DPP6: variants seen among roughly 807,000 people sequenced by gnomAD.
The protein encoded by DPP6 is dipeptidyl peptidase like 6.
A neutral mutation model predicts 122.6 loss-of-function variants in DPP6; 69 were observed. The observed-to-expected ratio is 0.56, with a 90% confidence interval of 0.46 to 0.69. The LOEUF is 0.69. DPP6 is among the 30% of genes least tolerant of loss of function. The probability of loss-of-function intolerance (pLI) is 0.00; values close to 1 mark genes in which losing one functional copy is unlikely to be tolerated. For synonymous variants in DPP6, 418 were observed against 433.1 expected (o/e 0.97, Z 0.43); for missense variants, 928 against 1,116.9 (o/e 0.83, Z 2.41).
intron 1 of DPP6, among the ~76,000 whole-genome samples, chr7:153,984,540 C>T (rs1234129006): frequency 6.6e-6 from 1 of 152,138 alleles, no homozygotes; most frequent in Non-Finnish European, 1.5e-5. Context: ...GGTGCAACTT[C>T]AGGGGGAATT....
intron 2 of DPP6, among the ~76,000 whole-genome samples, chr7:154,463,502 C>T (rs1052778939): frequency 4.6e-5 from 7 of 152,108 alleles, no homozygotes; most frequent in African/African-American, 9.7e-5. Context: ...CCACCGCGCC[C>T]AGCCTACTTC....
At chr7:154,040,174 G>A (rs1489815223) in intron 1 of DPP6, among the ~76,000 whole-genome samples, 2 of 140,456 alleles carry the variant, frequency 1.4e-5, no homozygotes, top group East Asian at 2.0e-4. Flanking sequence ...AACTGTAAGT[G>A]GAGAGGATCT....
chr7:154,844,585 C>A lies in DPP6; in HGVS notation c.1667-9195C>A, dbSNP rs144256757. 2.5e-3 allele frequency among the ~76,000 whole-genome samples: 383 copies of A among 152,236 alleles called. 3 individuals carry two copies. Among genetic ancestry groups the A allele is most frequent in the African/African-American group, 8.9e-3 (371 of 41,528 alleles). On this transcript the variant is annotated intron_variant, in intron 16 of 25. Transcript: ENST00000377770. The stretch of plus-strand genomic sequence containing the variant: ...GAATTATTTGCCAGTTTTCAGGGGC[C>A]ATCACAGAAACCTTGAGGCCTGTGG...
intron 1 of DPP6, among the ~76,000 whole-genome samples, chr7:154,008,828 A>AT (rs1298676342): frequency 0.01 from 1,485 of 147,212 alleles, 20 homozygotes; most frequent in African/African-American, 0.034. Context: ...CGCCCGGCTA[A>AT]TTTTTTTTTT....
intron 1 of DPP6, among the ~76,000 whole-genome samples, chr7:154,016,968 G>A (rs1032779334): frequency 4.6e-5 from 7 of 152,220 alleles, no homozygotes; most frequent in Admixed American, 1.3e-4. Context: ...GAGCATCAGA[G>A]GAGAAAAGGA....
chr7:154,029,738 C>T lies in DPP6; in HGVS notation c.51+142004C>T, dbSNP rs1453735847. 3.1e-3 allele frequency among the ~76,000 whole-genome samples: 374 copies of T among 120,876 alleles called. No homozygotes were observed. The Middle Eastern group carries it at 0.045, about 14-fold the overall frequency. 79.3% of individuals were successfully genotyped at this position (120,876 alleles called of 152,430 possible). A position where few individuals can be genotyped will look rare whatever the true frequency, so the allele number is the denominator to read the frequency against. ...GCGGGCGCCTGTAGTCCCAGCTACT[C>T]GGGAGGCTGAGGCAGGAGAATGGCG... On this transcript the variant is annotated intron_variant, in intron 1 of 25. Transcript: ENST00000404039.
At chr7:154,379,126 A>G (rs769865284) in intron 1 of DPP6, among the ~76,000 whole-genome samples, 1 of 152,230 alleles carries the variant, frequency 6.6e-6, no homozygotes, top group Non-Finnish European at 1.5e-5. Flanking sequence ...GGGACACAAC[A>G]TTCAGTCCAT....
At chr7:154,704,459 G>A (rs1840709702) in intron 7 of DPP6, among the ~76,000 whole-genome samples, 1 of 152,244 alleles carries the variant, frequency 6.6e-6, no homozygotes, top group Non-Finnish European at 1.5e-5. Context: ...AAATTCTGAT[G>A]TGGGTAAAAT....
chr7:154,328,085 A>G (rs1020526400), intron 1 of DPP6, among the ~76,000 whole-genome samples: 1 of 152,226 alleles, frequency 6.6e-6, no homozygotes, highest in Non-Finnish European at 1.5e-5. Context: ...GAGCTCAAGC[A>G]GGTCCTGGCC....
At chr7:154,207,539 C>T (rs1258637659) in intron 1 of DPP6, among the ~76,000 whole-genome samples, 1 of 152,206 alleles carries the variant, frequency 6.6e-6, no homozygotes, top group Non-Finnish European at 1.5e-5. Context: ...AGACCAGAGG[C>T]ATTGTCTGCT....
intron 1 of DPP6, among the ~76,000 whole-genome samples, chr7:154,157,708 C>T (rs144762728): frequency 0.014 from 2,189 of 152,066 alleles, 43 homozygotes; most frequent in African/African-American, 0.047. Flanking sequence ...CCGAGGCAGG[C>T]GAATCACCTG....
At chr7:154,208,226 A>G (rs1319173189) in intron 1 of DPP6, among the ~76,000 whole-genome samples, 1 of 152,222 alleles carries the variant, frequency 6.6e-6, no homozygotes, top group East Asian at 1.9e-4. Flanking sequence ...AACTTTCACT[A>G]CTGGAATGCC....
chr7:154,765,493 T>C (rs1462571796), intron 8 of DPP6, among the ~76,000 whole-genome samples: 2 of 152,208 alleles, frequency 1.3e-5, no homozygotes. Context: ...TGGCCTTTAT[T>C]ACCTTGAGCA....
At chr7:153,948,041 G>A (rs144041641) in intron 1 of DPP6, among the ~76,000 whole-genome samples, 39 of 152,224 alleles carry the variant, frequency 2.6e-4, no homozygotes, top group African/African-American at 8.9e-4. Flanking sequence ...GAGCCATACC[G>A]GTGACCTCAT....
intron 1 of DPP6, among the ~76,000 whole-genome samples, chr7:154,218,197 T>C (rs571729235): frequency 3.9e-5 from 6 of 152,194 alleles, no homozygotes; most frequent in Admixed American, 6.5e-5. Context: ...AAAGCAGCCA[T>C]TAGACCATTA....
chr7:154,596,805 A>G (rs1027891095), intron 5 of DPP6, among the ~76,000 whole-genome samples: 2 of 152,232 alleles, frequency 1.3e-5, no homozygotes, highest in Non-Finnish European at 2.9e-5. Flanking sequence ...CTTTGGGATA[A>G]TAATAGCGCC....
chr7:154,471,165 C>A (rs944699350), intron 2 of DPP6, among the ~76,000 whole-genome samples: 1 of 152,080 alleles, frequency 6.6e-6, no homozygotes, highest in Non-Finnish European at 1.5e-5. Flanking sequence ...GCAGGAGAAT[C>A]GTTTGAATGT....
chr7:154,024,007 T>A (rs2129052881), intron 1 of DPP6, among the ~76,000 whole-genome samples: 1 of 152,320 alleles, frequency 6.6e-6, no homozygotes, highest in East Asian at 1.9e-4. Context: ...CTATGACCTT[T>A]GAAGTTCTGA....
rs3852279 is a variant in DPP6, at chr7:154,031,059, C to T, written c.51+143325C>T. Among the ~76,000 whole-genome samples the T allele has an allele frequency of 1.6e-4, 24 of 151,590 alleles. 1 individual carries two copies. In the South Asian group the frequency reaches 4.8e-3, roughly 30 times the overall value. On this transcript the variant is annotated intron_variant, in intron 1 of 25. Coordinates refer to the DPP6 transcript ENST00000404039. ...CCCAAGCTCTCCCTGGTTGTCTTAT[C>T]CTCCCTGGCTATTACCTCTCCCTGG...
Sources: allele counts gnomAD v4.1 joint callset (sites outside exome capture counted in the v4.1 genomes callset), GRCh38; gene constraint gnomAD v4.1.1; transcripts MANE v1.5; gene names NCBI Gene and HGNC (gene_info 2026-07-23, HGNC 2026-07-21).